The following HMGB2 variants were observed in gnomAD, a reference collection of about 807,000 sequenced individuals.
The protein encoded by HMGB2 is high mobility group protein B2.
Under a neutral mutation model 23.0 loss-of-function variants are expected in HMGB2, and 2 were observed. The ratio of observed to expected loss-of-function variants is 0.09; its 90% confidence interval spans 0.04 to 0.27. The LOEUF (loss-of-function observed/expected upper bound fraction) is 0.27, where lower values mean the gene tolerates loss of function less well. HMGB2 is among the 10% of genes least tolerant of loss of function. The pLI, the probability that HMGB2 is intolerant of heterozygous loss-of-function variation, is 1.00. For synonymous variants in HMGB2, 99 were observed against 87.5 expected (o/e 1.13, Z -0.73); for missense variants, 178 against 256.5 (o/e 0.69, Z 2.09).
In HMGB2 at chr4:173,331,897, A is replaced by G. The variant is rs192956285; in HGVS notation, c.*183T>C. On this transcript the variant is annotated 3_prime_UTR_variant, in exon 5 of 5. Transcript: ENST00000296503. ...AATCTAACTGTATGAGTAGCCCATC[A>G]AAAAGCTACAACCTGCATTTTTTAA... The G allele has an allele frequency of 1.6e-4, 123 of 771,420 alleles. No homozygotes were observed. The African/African-American group carries it at 1.9e-3, about 12-fold the overall frequency. The allele number at this position is 771,420 out of a possible 1,614,324, so 47.8% of individuals were successfully genotyped here. A position where few individuals can be genotyped will look rare whatever the true frequency, so the allele number is the denominator to read the frequency against.
Position 173,332,183 on chromosome 4 carries a change from C to T in HMGB2, c.527G>A (p.Gly176Asp), listed in dbSNP as rs1218285717. 12 of 1,612,126 alleles carry T rather than the reference C, an allele frequency of 7.4e-6. No individual in the cohort carries two copies. Among genetic ancestry groups the T allele is most frequent in the African/African-American group, 1.3e-5 (1 of 74,788 alleles). Residue 176 changes from glycine to aspartate, a missense_variant, in exon 5 of 5, where the codon GGC becomes GAC. Gly to Asp is a moderately conservative substitution (Grantham distance 94, BLOSUM62 -1). Around this residue, in one of 3 missense-constraint regions of HMGB2, gnomAD observed 45 missense variants for 38.8 expected, o/e 1.16. Transcript: ENST00000296503. ...CTTCTTCTTTGAGCCTGTTGGCCTG[C>T]CAGGGCCCTTCTTTCCTGCTTCACT... Reference protein sequence around the residue: ...GKSEAGKKGPGRPTGSKKKNE... With the variant: ...GKSEAGKKGPDRPTGSKKKNE...
rs187418358 is a variant in HMGB2 at position 173,333,442 on chromosome 4, C to T, written c.150+58G>A. On this transcript the variant is annotated intron_variant, in intron 2 of 4. Transcript: ENST00000296503. This position sits in a 1 kb window ranked among gnomAD's most constrained non-coding sequence, Gnocchi z 4.6. ...TGAGTTGCCTACTACCTGCCTAAGG[C>T]CCTCCTAGCCGAAAACCACACCTGC... 0.014 allele frequency: 21,425 copies of T among 1,570,962 alleles called. 174 individuals carry two copies. The highest frequency in any genetic ancestry group is 0.018 in the Middle Eastern group (98 of 5,494).
At position 173,333,106 on chromosome 4, in the gene HMGB2, CCTT is replaced by C; in HGVS notation, c.256_258del (p.Lys86del). 3 of 1,613,920 alleles carry C rather than the reference CCTT, an allele frequency of 1.9e-6. No homozygotes were observed. The highest frequency in any genetic ancestry group is 1.7e-6 in the Non-Finnish European group (2 of 1,179,976). On this transcript the variant is annotated inframe_deletion, in exon 3 of 5. Transcript: ENST00000296503. This position sits in a 1 kb window ranked among gnomAD's most constrained non-coding sequence, Gnocchi z 4.6. ...GGAGCATTGGGGTCCTTTTTCTTCCCCTTCTTATCACCTTTGGGAGGAACGTAA... is the reference window on the plus strand; with the variant it reads ...GGAGCATTGGGGTCCTTTTTCTTCCCCTTATCACCTTTGGGAGGAACGTAA...
At position 173,331,987 on chromosome 4, in the gene HMGB2, C is replaced by G; in HGVS notation, c.*93G>C. 2 of 1,556,142 alleles carry G rather than the reference C, an allele frequency of 1.3e-6. No individual in the cohort carries two copies. Among genetic ancestry groups the G allele is most frequent in the East Asian group, 2.3e-5 (1 of 44,062 alleles). On this transcript the variant is annotated 3_prime_UTR_variant, in exon 5 of 5. Transcript: ENST00000296503. ...AATCTGTACAGTTTTTATACTGAAG[C>G]TAGTATTGAGCTGCACTTGAATTCA...
Position 173,333,080 on chromosome 4 carries a change from A to G in HMGB2, c.285T>C (p.Pro95=), listed in dbSNP as rs199768478. ...TATTTTAAACTTACGGTGGCCTTTTAGGAGCATTGGGGTCCTTTTTCTTCC... is the reference window on the plus strand; with the variant it reads ...TATTTTAAACTTACGGTGGCCTTTTGGGAGCATTGGGGTCCTTTTTCTTCC... ...KKGKKKDPNA[P]KRPPSAFFLF... The change falls in exon 3 of 5, where the codon CCT becomes CCC. Residue 95 remains proline, a synonymous_variant. Coordinates refer to ENST00000296503, the MANE Select transcript of HMGB2 (RefSeq NM_002129.4). The surrounding 1 kb of genome is among the most constrained non-coding windows in gnomAD (Gnocchi z 4.6). 254 of 1,613,494 alleles carry G rather than the reference A, an allele frequency of 1.6e-4. 1 individual carries two copies. Among genetic ancestry groups the G allele is most frequent in the Non-Finnish European group, 6.0e-5 (71 of 1,179,874 alleles).
chr4:173,333,049 T>G lies in HMGB2; in HGVS notation c.296+20A>C, dbSNP rs138784157. ...CTGAAGGAAAAATCCAAGGAGCAATTTGGGTTATTTTAAACTTACGGTGGC... is the reference window on the plus strand; with the variant it reads ...CTGAAGGAAAAATCCAAGGAGCAATGTGGGTTATTTTAAACTTACGGTGGC... On this transcript the variant is annotated intron_variant, in intron 3 of 4. Coordinates refer to ENST00000296503, the MANE Select transcript of HMGB2 (RefSeq NM_002129.4). This position sits in a 1 kb window ranked among gnomAD's most constrained non-coding sequence, Gnocchi z 4.6. The G allele has an allele frequency of 1.6e-5, 26 of 1,612,476 alleles. No individual in the cohort carries two copies. The African/African-American group carries it at 3.5e-4, about 22-fold the overall frequency.
At position 173,332,134 on chromosome 4, in the gene HMGB2, C is replaced by G; in HGVS notation, c.576G>C (p.Glu192Asp). ...CATCTTCATCTTCTTCTTCCTCCTC[C>G]TCCTCCTCATCTTCTGGTTCGTTCT... ...KKKNEPEDEE[E>D]EEEEEDEDEE... The change falls in exon 5 of 5, where the codon GAG becomes GAC. Residue 192 changes from glutamate to aspartate, a missense_variant. Glu to Asp is a conservative substitution (Grantham distance 45). Coordinates refer to ENST00000296503, the MANE Select transcript of HMGB2 (RefSeq NM_002129.4). The G allele has an allele frequency of 6.2e-7, 1 of 1,611,316 alleles. No individual in the cohort carries two copies. The highest frequency in any genetic ancestry group is 8.5e-7 in the Non-Finnish European group (1 of 1,177,470).
At chr4:173,334,218 G>A (rs1738192081) in intron 1 of HMGB2, 54 bp downstream of exon 1, 1 of 152,312 alleles carries the variant, frequency 6.6e-6, no homozygotes, top group Non-Finnish European at 1.5e-5. Context: ...GAGGCTCTGA[G>A]GGAATGGGGA....
rs33987506 is a variant in HMGB2 at position 173,331,394 on chromosome 4, A to ATATG, written c.*685_*686insCATA. Among the ~76,000 whole-genome samples the ATATG allele has an allele frequency of 4.4e-4, 61 of 138,878 alleles. 1 individual carries two copies. The highest frequency in any genetic ancestry group is 1.0e-3 in the African/African-American group (35 of 34,406). The allele number at this position is 138,878 out of a possible 152,430, so 91.1% of individuals were successfully genotyped here. On this transcript the variant is annotated 3_prime_UTR_variant, in exon 5 of 5. Transcript: ENST00000296503. ...TATATACATATATATATATATATAT[A>ATATG]TGTATATATATATACACACACCTGA...
Position 173,333,471 on chromosome 4 carries a change from C to T in HMGB2, c.150+29G>A. 5.6e-6 allele frequency: 9 copies of T among 1,602,790 alleles called. No individual in the cohort carries two copies. The highest frequency in any genetic ancestry group is 7.7e-6 in the Non-Finnish European group (9 of 1,173,572). ...CCTAGCCGAAAACCACACCTGCACC[C>T]CCTGAGCTCCGTCCCTCTCCTGCCT... is the stretch of plus-strand genomic sequence containing the variant. On this transcript the variant is annotated intron_variant, in intron 2 of 4. Coordinates refer to ENST00000296503, the MANE Select transcript of HMGB2 (RefSeq NM_002129.4). The surrounding 1 kb of genome is among the most constrained non-coding windows in gnomAD (Gnocchi z 4.6).
At position 173,332,128 on chromosome 4, in the gene HMGB2, C is replaced by T. The variant is rs1160694947; in HGVS notation, c.582G>A (p.Glu194=). ...CCTCCTCATCTTCATCTTCTTCTTC[C>T]TCCTCCTCCTCCTCATCTTCTGGTT... ...KNEPEDEEEE[E]EEEDEDEEEE... The change falls in exon 5 of 5, where the codon GAG becomes GAA. Residue 194 remains glutamate, a synonymous_variant. Coordinates refer to ENST00000296503, the MANE Select transcript of HMGB2 (RefSeq NM_002129.4). 2.7e-6 allele frequency: 4 copies of T among 1,500,024 alleles called. No homozygotes were observed. Among genetic ancestry groups the T allele is most frequent in the Non-Finnish European group, 2.8e-6 (3 of 1,088,102 alleles). 92.9% of individuals were successfully genotyped at this position (1,500,024 alleles called of 1,614,324 possible).
chr4:173,333,222 CATAAA>C lies in HMGB2; in HGVS notation c.151-13_151-9del, dbSNP rs1318573222. 4 of 1,605,716 alleles carry C rather than the reference CATAAA, an allele frequency of 2.5e-6. No individual in the cohort carries two copies. Among genetic ancestry groups the C allele is most frequent in the Admixed American group, 1.7e-5 (1 of 57,490 alleles). ...CTCCTTTGCAGACATGGTCTGTGGACATAAAATAAGAGCCAAAAATACAGCAAAAT... is the reference window on the plus strand; with the variant it reads ...CTCCTTTGCAGACATGGTCTGTGGACATAAGAGCCAAAAATACAGCAAAAT... On this transcript the variant is annotated splice_polypyrimidine_tract_variant and intron_variant, in intron 2 of 4. Transcript: ENST00000296503. This position sits in a 1 kb window ranked among gnomAD's most constrained non-coding sequence, Gnocchi z 4.6.
At position 173,331,384 on chromosome 4, in the gene HMGB2, ATATATATATATG is replaced by A. The variant is rs1044361035; in HGVS notation, c.*684_*695del. 1.2e-4 allele frequency among the ~76,000 whole-genome samples: 17 copies of A among 139,022 alleles called. No homozygotes were observed. The highest frequency in any genetic ancestry group is 4.9e-4 in the Admixed American group (7 of 14,296). 91.2% of individuals were successfully genotyped at this position (139,022 alleles called of 152,430 possible). ...TATGTGTATATATATACATATATAT[ATATATATATATG>A]TATATATATATACACACACCTGAGG... On this transcript the variant is annotated 3_prime_UTR_variant, in exon 5 of 5. Transcript: ENST00000296503.
rs1738159629 is a variant in HMGB2 at position 173,333,429 on chromosome 4, T to C, written c.150+71A>G. On this transcript the variant is annotated intron_variant, in intron 2 of 4. Transcript: ENST00000296503. The surrounding 1 kb of genome is among the most constrained non-coding windows in gnomAD (Gnocchi z 4.6). Reference sequence around the variant, plus strand: ...AAGTTGAAGCTCATGAGTTGCCTACTACCTGCCTAAGGCCCTCCTAGCCGA... The same window carrying C: ...AAGTTGAAGCTCATGAGTTGCCTACCACCTGCCTAAGGCCCTCCTAGCCGA... 4.5e-6 allele frequency: 7 copies of C among 1,544,250 alleles called. No individual in the cohort carries two copies. The highest frequency in any genetic ancestry group is 1.4e-5 in the African/African-American group (1 of 73,126).
At chr4:173,332,772 T>C (rs1197775822) in intron 4 of HMGB2, 49 bp downstream of exon 4, 1 of 1,510,934 alleles carries the variant, frequency 6.6e-7, no homozygotes, top group South Asian at 1.2e-5. Context: ...TCTACAGTTA[T>C]TACCTATACC....
In HMGB2 at chr4:173,333,252, T is replaced by C. The variant is rs374621023; in HGVS notation, c.151-38A>G. 7.5e-5 allele frequency: 119 copies of C among 1,592,894 alleles called. No individual in the cohort carries two copies. The highest frequency in any genetic ancestry group is 4.7e-4 in the Admixed American group (26 of 55,478). On this transcript the variant is annotated intron_variant, in intron 2 of 4. Coordinates refer to ENST00000296503, the MANE Select transcript of HMGB2 (RefSeq NM_002129.4). This position sits in a 1 kb window ranked among gnomAD's most constrained non-coding sequence, Gnocchi z 4.6. ...AATAAGAGCCAAAAATACAGCAAAA[T>C]TGTTACCTATAAACATCCAAAGACG...
At position 173,331,892 on chromosome 4, in the gene HMGB2, C is replaced by A; in HGVS notation, c.*188G>T. The stretch of plus-strand genomic sequence containing the variant: ...TGTAAAATCTAACTGTATGAGTAGC[C>A]CATCAAAAAGCTACAACCTGCATTT... On this transcript the variant is annotated 3_prime_UTR_variant, in exon 5 of 5. Transcript: ENST00000296503. 1 of 678,062 alleles carries A rather than the reference C, an allele frequency of 1.5e-6. No individual in the cohort carries two copies. The highest frequency in any genetic ancestry group is 2.4e-6 in the Non-Finnish European group (1 of 411,074). 42.0% of individuals were successfully genotyped at this position (678,062 alleles called of 1,614,324 possible).
rs1432567328 is a variant in HMGB2 at position 173,333,417 on chromosome 4, T to C, written c.150+83A>G. The C allele has an allele frequency of 6.0e-6, 9 of 1,508,522 alleles. No homozygotes were observed. The highest frequency in any genetic ancestry group is 8.1e-6 in the Non-Finnish European group (9 of 1,115,396). The allele number at this position is 1,508,522 out of a possible 1,614,324, so 93.4% of individuals were successfully genotyped here. A position where few individuals can be genotyped will look rare whatever the true frequency, so the allele number is the denominator to read the frequency against. ...ACTGGGGTGGCAAAGTTGAAGCTCA[T>C]GAGTTGCCTACTACCTGCCTAAGGC... On this transcript the variant is annotated intron_variant, in intron 2 of 4. Coordinates refer to ENST00000296503, the MANE Select transcript of HMGB2 (RefSeq NM_002129.4). The surrounding 1 kb of genome is among the most constrained non-coding windows in gnomAD (Gnocchi z 4.6).
intron 4 of HMGB2, chr4:173,332,562 AAAT>A (rs1054002476): frequency 3.1e-4 from 152 of 483,026 alleles, no homozygotes; most frequent in Non-Finnish European, 4.9e-4. Context: ...TTAAAAAAAA[AAAT>A]AACAGACTAT....
Sources: gnomAD v4.1 joint callset for allele counts (sites outside exome capture counted in the v4.1 genomes callset) on GRCh38, gnomAD v4.1.1 for gene constraint, gnomAD v4.1.1 regional missense constraint, Gnocchi (gnomAD v3.1) non-coding constraint, MANE v1.5 for transcripts, NCBI Gene and HGNC (gene_info 2026-07-23, HGNC 2026-07-21) for gene names.